The following ZSWIM8 variants were observed in gnomAD, a reference collection of about 807,000 sequenced individuals.
ZSWIM8 encodes zinc finger SWIM-type containing 8.
Under a neutral mutation model 173.7 loss-of-function variants are expected in ZSWIM8, and 27 were observed. That is an observed-to-expected ratio of 0.16 (90% CI 0.11 to 0.21). The LOEUF (loss-of-function observed/expected upper bound fraction) is 0.21, where lower values mean the gene tolerates loss of function less well. ZSWIM8 is among the 10% of genes least tolerant of loss of function. ZSWIM8 has a pLI of 1.00. For synonymous variants in ZSWIM8, 958 were observed against 962.0 expected (o/e 1.00, Z 0.08); for missense variants, 1,627 against 2,428.8 (o/e 0.67, Z 6.94).
In ZSWIM8 at chr10:73,800,885, G is replaced by A. The variant is rs985263087; in HGVS notation, c.5122+126G>A. 37 of 1,175,328 alleles carry A rather than the reference G, an allele frequency of 3.1e-5. No homozygotes were observed. The highest frequency in any genetic ancestry group is 2.3e-4 in the South Asian group (15 of 65,766). The allele number at this position is 1,175,328 out of a possible 1,614,324, so 72.8% of individuals were successfully genotyped here. On this transcript the variant is annotated intron_variant, in intron 24 of 25. Coordinates refer to ENST00000604729, the MANE Select transcript of ZSWIM8 (RefSeq NM_001367799.1). This position sits in a 1 kb window ranked among gnomAD's most constrained non-coding sequence, Gnocchi z 4.1. Reference sequence around the variant, plus strand: ...CTTGGTCGGGTATGTGTGCGTGCGCGGGGGGCGGAGGGTTACCTCAGCTCC... The same window carrying A: ...CTTGGTCGGGTATGTGTGCGTGCGCAGGGGGCGGAGGGTTACCTCAGCTCC...
chr10:73,797,194 G>A lies in ZSWIM8; in HGVS notation c.3356G>A (p.Arg1119His). Residue 1119 changes from arginine to histidine, a missense_variant, in exon 17 of 26, where the codon CGC becomes CAC. Physicochemically the swap from Arg to His is conservative, Grantham distance 29. Coordinates refer to ENST00000604729, the MANE Select transcript of ZSWIM8 (RefSeq NM_001367799.1). This position sits in a 1 kb window ranked among gnomAD's most constrained non-coding sequence, Gnocchi z 5.6. The part of the protein sequence containing the change: ...TPRPEGKVPS[R>H]LALGSRGGYN... Reference sequence around the variant, plus strand: ...AGGCCAGAAGGGAAGGTTCCTAGCCGCTTGGCACTTGGCAGTCGTGGAGGC... The same window carrying A: ...AGGCCAGAAGGGAAGGTTCCTAGCCACTTGGCACTTGGCAGTCGTGGAGGC... The A allele has an allele frequency of 1.2e-6, 2 of 1,613,998 alleles. No individual in the cohort carries two copies. Among genetic ancestry groups the A allele is most frequent in the Non-Finnish European group, 1.7e-6 (2 of 1,179,876 alleles).
At position 73,797,652 on chromosome 10, in the gene ZSWIM8, G is replaced by C; in HGVS notation, c.3662+47G>C. On this transcript the variant is annotated intron_variant, in intron 18 of 25. Transcript: ENST00000604729. The surrounding 1 kb of genome is among the most constrained non-coding windows in gnomAD (Gnocchi z 5.6). ...TCTTCCCTGATCTGGCCCACCCTCA[G>C]AGCCACACCCCTAGTGCAATCCAAC... 1 of 1,601,600 alleles carries C rather than the reference G, an allele frequency of 6.2e-7. No homozygotes were observed. The highest frequency in any genetic ancestry group is 8.5e-7 in the Non-Finnish European group (1 of 1,171,952).
chr10:73,796,508 A>C (rs2083663343), intron 15 of ZSWIM8: 3 of 518,002 alleles, frequency 5.8e-6, no homozygotes, highest in Non-Finnish European at 1.1e-5. Context: ...AGAGGGCATA[A>C]AGTCATTCAT....
At position 73,792,342 on chromosome 10, in the gene ZSWIM8, C is replaced by T. The variant is rs762254622; in HGVS notation, c.1803C>T (p.Gly601=). Residue 601 remains glycine, a synonymous_variant, in exon 10 of 26, where the codon GGC becomes GGT. Coordinates refer to ENST00000604729, the MANE Select transcript of ZSWIM8 (RefSeq NM_001367799.1). This position sits in a 1 kb window ranked among gnomAD's most constrained non-coding sequence, Gnocchi z 4.3. ...AGSGSKGSAG[G]GSKRRLSSED... ...GTGGGAGCAAGGGCTCAGCAGGTGGCGGAAGCAAGCGACGGCTGAGCAGCG... is the reference window on the plus strand; with the variant it reads ...GTGGGAGCAAGGGCTCAGCAGGTGGTGGAAGCAAGCGACGGCTGAGCAGCG... 47 of 1,611,958 alleles carry T rather than the reference C, an allele frequency of 2.9e-5. No homozygotes were observed. The highest frequency in any genetic ancestry group is 1.3e-4 in the East Asian group (6 of 44,818).
At chr10:73,788,400 G>A (rs559555199) in intron 1 of ZSWIM8, among the ~76,000 whole-genome samples, 7 of 152,216 alleles carry the variant, frequency 4.6e-5, no homozygotes, top group Admixed American at 1.3e-4. Context: ...GTCTGGCCAG[G>A]AGTTTCTTAA....
intron 1 of ZSWIM8, among the ~76,000 whole-genome samples, chr10:73,788,130 C>T (rs530153660): frequency 7.2e-5 from 11 of 151,916 alleles, no homozygotes; most frequent in South Asian, 2.1e-4. Flanking sequence ...GTCATTTAGG[C>T]GCGCCAAAAG....
At position 73,791,473 on chromosome 10, in the gene ZSWIM8, G is replaced by C; in HGVS notation, c.1293G>C (p.Val431=). 1 of 1,609,332 alleles carries C rather than the reference G, an allele frequency of 6.2e-7. No homozygotes were observed. Among genetic ancestry groups the C allele is most frequent in the Non-Finnish European group, 8.5e-7 (1 of 1,176,704 alleles). The part of the protein sequence containing the change: ...DEMVTLWRLA[V]LDPALSPQRR... ...TGGTCACACTGTGGAGGCTGGCCGT[G>C]CTGGACCCTGCACTCAGCCCCCAGC... Residue 431 remains valine (V), a synonymous_variant, in exon 9 of 26, where the codon GTG becomes GTC. Transcript: ENST00000604729. The surrounding 1 kb of genome is among the most constrained non-coding windows in gnomAD (Gnocchi z 6.0).
intron 20 of ZSWIM8, among the ~76,000 whole-genome samples, chr10:73,798,670 TA>T (rs1328480013): frequency 1.3e-5 from 2 of 152,190 alleles, no homozygotes; most frequent in Non-Finnish European, 2.9e-5. Context: ...ATTTTACAGA[TA>T]AGGAAATGGA....
Position 73,798,089 on chromosome 10 carries a change from C to G in ZSWIM8, c.3952+19C>G, listed in dbSNP as rs200425770. On this transcript the variant is annotated intron_variant, in intron 19 of 25. Coordinates refer to ENST00000604729, the MANE Select transcript of ZSWIM8 (RefSeq NM_001367799.1). ...ATTACAGGTAAATCATTTGACCTGA[C>G]TTGGGTATGGGAGGGGGATTAATTG... 23 of 1,610,732 alleles carry G rather than the reference C, an allele frequency of 1.4e-5. No individual in the cohort carries two copies. The East Asian group carries it at 5.1e-4, about 36-fold the overall frequency.
chr10:73,800,960 G>C lies in ZSWIM8; in HGVS notation c.5123-57G>C. The C allele has an allele frequency of 6.8e-7, 1 of 1,472,862 alleles. No individual in the cohort carries two copies. Among genetic ancestry groups the C allele is most frequent in the Non-Finnish European group, 9.2e-7 (1 of 1,089,036 alleles). 91.2% of individuals were successfully genotyped at this position (1,472,862 alleles called of 1,614,324 possible). ...AGGCCAGAGCTGAGATCTGTAAGTT[G>C]GGTCCCTAGGGCAGAGGTGGCCACC... On this transcript the variant is annotated intron_variant, in intron 24 of 25. Transcript: ENST00000604729. This position sits in a 1 kb window ranked among gnomAD's most constrained non-coding sequence, Gnocchi z 4.1.
chr10:73,790,266 C>A lies in ZSWIM8; in HGVS notation c.915C>A (p.Phe305Leu). Residue 305 changes from phenylalanine (F) to leucine (L), a missense_variant, in exon 7 of 26, where the codon TTC becomes TTA. Physicochemically the swap from Phe to Leu is conservative, Grantham distance 22. Coordinates refer to ENST00000604729, the MANE Select transcript of ZSWIM8 (RefSeq NM_001367799.1). ...TDNIKKTLHK[F>L]CGPSPVVFSD... ...ACATCAAAAAGACACTGCACAAGTT[C>A]TGTGGCCCCTCCCCTGTGGTCTTCA... is the stretch of plus-strand genomic sequence containing the variant. 1 of 1,612,476 alleles carries A rather than the reference C, an allele frequency of 6.2e-7. No homozygotes were observed. Among genetic ancestry groups the A allele is most frequent in the Non-Finnish European group, 8.5e-7 (1 of 1,179,054 alleles).
In ZSWIM8 at chr10:73,792,586, A is replaced by C; in HGVS notation, c.2047A>C (p.Thr683Pro). Residue 683 changes from threonine to proline, a missense_variant, in exon 10 of 26, where the codon ACA becomes CCA. By Grantham distance (38) the Thr-to-Pro change is conservative. This residue lies in a region of ZSWIM8 where 383 missense variants were observed against 394.8 expected (regional missense o/e 0.97). Coordinates refer to ENST00000604729, the MANE Select transcript of ZSWIM8 (RefSeq NM_001367799.1). The surrounding 1 kb of genome is among the most constrained non-coding windows in gnomAD (Gnocchi z 4.3). ...VYFSEGPEPP[T>P]ASVGPPGLLP... ...CTTCTCGGAAGGGCCTGAGCCTCCC[A>C]CAGCCTCTGTTGGCCCCCCTGGCCT... 1 of 1,614,024 alleles carries C rather than the reference A, an allele frequency of 6.2e-7. No individual in the cohort carries two copies. Among genetic ancestry groups the C allele is most frequent in the Non-Finnish European group, 8.5e-7 (1 of 1,179,872 alleles).
chr10:73,796,747 C>G, intron 15 of ZSWIM8, 27 bp from the exon 16 acceptor site: 1 of 1,609,042 alleles, frequency 6.2e-7, no homozygotes. Context: ...CACTGCTTCT[C>G]TGGAGGTCAC....
Position 73,799,234 on chromosome 10 carries a change from C to G in ZSWIM8, c.4409C>G (p.Thr1470Ser). 6.2e-7 allele frequency: 1 copy of G among 1,604,108 alleles called. No individual in the cohort carries two copies. The highest frequency in any genetic ancestry group is 1.1e-5 in the South Asian group (1 of 89,790). Residue 1470 changes from threonine to serine, a missense_variant, in exon 21 of 26, where the codon ACT becomes AGT. By Grantham distance (58) the Thr-to-Ser change is moderately conservative (BLOSUM62 1). Coordinates refer to ENST00000604729, the MANE Select transcript of ZSWIM8 (RefSeq NM_001367799.1). Reference sequence around the variant, plus strand: ...CCTGAGGGTAGAGGGGGCCCAGGGACTGAGCCGGTTACAGTGGCAGCGGCA... The same window carrying G: ...CCTGAGGGTAGAGGGGGCCCAGGGAGTGAGCCGGTTACAGTGGCAGCGGCA... ...GMPEGRGGPG[T>S]EPVTVAAAAV...
chr10:73,798,491 A>T, intron 20 of ZSWIM8, 38 bp downstream of exon 20: 1 of 1,584,772 alleles, frequency 6.3e-7, no homozygotes, highest in African/African-American at 1.3e-5. Context: ...CTTCTGGGGC[A>T]TCTGGGCAGG....
At chr10:73,793,340 G>T (rs2083489306) in intron 10 of ZSWIM8, among the ~76,000 whole-genome samples, 1 of 152,182 alleles carries the variant, frequency 6.6e-6, no homozygotes, top group African/African-American at 2.4e-5. Flanking sequence ...CCTCTAGGGA[G>T]TCTCTCTGAT....
At chr10:73,787,740 C>G (rs901715312) in intron 1 of ZSWIM8, among the ~76,000 whole-genome samples, 1 of 152,056 alleles carries the variant, frequency 6.6e-6, no homozygotes, top group Non-Finnish European at 1.5e-5. Flanking sequence ...GTAATCTCAG[C>G]TACTTGGGAG....
chr10:73,797,707 G>C lies in ZSWIM8; in HGVS notation c.3663-74G>C. 1 of 1,565,284 alleles carries C rather than the reference G, an allele frequency of 6.4e-7. No individual in the cohort carries two copies. The highest frequency in any genetic ancestry group is 8.7e-7 in the Non-Finnish European group (1 of 1,151,596). ...GTCTCCCAGCATCCTCACTTTCCCT[G>C]GTCCTTCCCAACCTACCCGGATGCC... On this transcript the variant is annotated intron_variant, in intron 18 of 25. Coordinates refer to ENST00000604729, the MANE Select transcript of ZSWIM8 (RefSeq NM_001367799.1). This position sits in a 1 kb window ranked among gnomAD's most constrained non-coding sequence, Gnocchi z 5.6.
chr10:73,788,813 G>C lies in ZSWIM8; in HGVS notation c.352G>C (p.Glu118Gln). The change falls in exon 2 of 26, where the codon GAG (glutamate) becomes CAG (glutamine). Residue 118 changes from glutamate (E) to glutamine (Q), a missense_variant. Physicochemically the swap from Glu to Gln is conservative, Grantham distance 29. Transcript: ENST00000604729. ...TTTTTGGAGCTTCCCTGAGAATGAA[G>C]AGGACATTCGGTGAGGCCAAAGGAC... ...IAFWSFPENE[E>Q]DIRLYSCLAN... 3.1e-6 allele frequency: 5 copies of C among 1,613,650 alleles called. No homozygotes were observed. The highest frequency in any genetic ancestry group is 4.2e-6 in the Non-Finnish European group (5 of 1,179,868).
Sources: allele counts gnomAD v4.1 joint callset (sites outside exome capture counted in the v4.1 genomes callset), GRCh38; gene constraint gnomAD v4.1.1; regional missense constraint gnomAD v4.1.1; non-coding constraint Gnocchi (gnomAD v3.1); transcripts MANE v1.5; gene names NCBI Gene and HGNC (gene_info 2026-07-23, HGNC 2026-07-21).